Variants in M1AP observed in about 807,000 individuals in gnomAD.
The protein encoded by M1AP is meiosis 1 arrest protein.
A neutral mutation model predicts 51.2 loss-of-function variants in M1AP; 39 were observed. The observed-to-expected ratio is 0.76, with a 90% CI of 0.59 to 1.00. M1AP has a LOEUF of 1.00. M1AP is among the 50% of genes least tolerant of loss of function. The probability of loss-of-function intolerance (pLI) is 0.00; values close to 1 mark genes in which losing one functional copy is unlikely to be tolerated. For synonymous variants in M1AP, 251 were observed against 249.2 expected (o/e 1.01, Z -0.07); for missense variants, 545 against 641.2 (o/e 0.85, Z 1.62).
At chr2:74,583,779 GCT>G (rs1431503565) in intron 4 of M1AP, among the ~76,000 whole-genome samples, 1 of 152,124 alleles carries the variant, frequency 6.6e-6, no homozygotes, top group East Asian at 1.9e-4. Context: ...GAACAAAGGG[GCT>G]TCAGTCCAAC....
intron 2 of M1AP, among the ~76,000 whole-genome samples, chr2:74,635,828 T>C (rs543699627): frequency 2.2e-4 from 34 of 152,260 alleles, no homozygotes; most frequent in Non-Finnish European, 3.8e-4. Context: ...TTGATTTCAT[T>C]GTGTCAGAGA....
At chr2:74,591,376 A>G (rs904611801) in intron 4 of M1AP, among the ~76,000 whole-genome samples, 10 of 152,240 alleles carry the variant, frequency 6.6e-5, no homozygotes, top group Non-Finnish European at 1.3e-4. Flanking sequence ...TTGACGTGAG[A>G]AACATTAGAC....
At chr2:74,604,268 C>A (rs1680839775) in intron 4 of M1AP, among the ~76,000 whole-genome samples, 1 of 152,162 alleles carries the variant, frequency 6.6e-6, no homozygotes, top group Admixed American at 6.5e-5. Flanking sequence ...GTCTCTGGGT[C>A]TCCTTTTTGA....
At chr2:74,611,891 T>TTTTG (rs1553414979) in intron 3 of M1AP, among the ~76,000 whole-genome samples, 2 of 75,140 alleles carry the variant, frequency 2.7e-5, no homozygotes, top group African/African-American at 9.9e-5. Flanking sequence ...TGTTTTTTTT[T>TTTTG]TTTTTTTTTT....
Position 74,558,892 on chromosome 2 carries a change from A to G in M1AP, c.1435-18T>C. The G allele has an allele frequency of 1.3e-6, 2 of 1,570,886 alleles. No homozygotes were observed. The highest frequency in any genetic ancestry group is 1.7e-6 in the Non-Finnish European group (2 of 1,164,484). ...TGCCCAGTCTGCAAAGAGAGCAACC[A>G]GAGCCTTCTCTGAAGATCAGAGTTT... On this transcript the variant is annotated intron_variant, in intron 10 of 10. Coordinates refer to ENST00000421985, the MANE Select transcript of M1AP (RefSeq NM_001321739.2).
chr2:74,645,138 C>T (rs1308957665), intron 1 of M1AP, among the ~76,000 whole-genome samples: 3 of 152,092 alleles, frequency 2.0e-5, no homozygotes, highest in African/African-American at 4.8e-5. Flanking sequence ...ACAAACCCAC[C>T]GGGAGGAATG....
chr2:74,625,693 A>G (rs1271425867), intron 2 of M1AP, among the ~76,000 whole-genome samples: 2 of 152,234 alleles, frequency 1.3e-5, no homozygotes, highest in Non-Finnish European at 2.9e-5. Flanking sequence ...GCTGTGGGGT[A>G]TAGGGACACC....
intron 3 of M1AP, among the ~76,000 whole-genome samples, chr2:74,607,602 T>A (rs1325501778): frequency 6.6e-6 from 1 of 152,172 alleles, no homozygotes; most frequent in East Asian, 1.9e-4. Flanking sequence ...GCCTCCTGGA[T>A]AGCTGGGATT....
intron 2 of M1AP, among the ~76,000 whole-genome samples, chr2:74,630,490 C>T (rs1395201815): frequency 2.0e-5 from 3 of 152,160 alleles, no homozygotes; most frequent in Admixed American, 2.0e-4. Flanking sequence ...CCTCCTCCCG[C>T]CTCCTCAACG....
At chr2:74,590,562 G>T (rs1679981403) in intron 4 of M1AP, among the ~76,000 whole-genome samples, 1 of 152,110 alleles carries the variant, frequency 6.6e-6, no homozygotes, top group South Asian at 2.1e-4. Context: ...AATTGGGTAA[G>T]AAAAAGTTTA....
chr2:74,576,586 G>C lies in M1AP; in HGVS notation c.802C>G (p.Leu268Val). 6.2e-7 allele frequency: 1 copy of C among 1,614,148 alleles called. No individual in the cohort carries two copies. Among genetic ancestry groups the C allele is most frequent in the Non-Finnish European group, 8.5e-7 (1 of 1,179,978 alleles). The change falls in exon 6 of 11, where the codon CTC becomes GTC. Residue 268 changes from leucine to valine, a missense_variant. Coordinates refer to ENST00000421985, the MANE Select transcript of M1AP (RefSeq NM_001321739.2). ...GTGCCAGCGAGTAGGGATGGGCAGA[G>C]CAGTCGCTCTTGGAGATCACATTTC... ...CLKCDLQERLLCPSLLAGTAD... is the reference protein window; with the variant it reads ...CLKCDLQERLVCPSLLAGTAD...
chr2:74,609,307 G>C (rs1222410902), intron 3 of M1AP, among the ~76,000 whole-genome samples: 1 of 152,146 alleles, frequency 6.6e-6, no homozygotes, highest in African/African-American at 2.4e-5. Flanking sequence ...AGATCATGCA[G>C]TACTCGTCCT....
chr2:74,596,805 C>G (rs1309005750), intron 4 of M1AP, among the ~76,000 whole-genome samples: 1 of 152,108 alleles, frequency 6.6e-6, no homozygotes, highest in African/African-American at 2.4e-5. Context: ...AAAGAAAACG[C>G]ACTACTGATA....
At chr2:74,598,621 CTTTTTT>C (rs534856535) in intron 4 of M1AP, among the ~76,000 whole-genome samples, 6 of 114,398 alleles carry the variant, frequency 5.2e-5, no homozygotes, top group Non-Finnish European at 1.0e-4. Context: ...TGTATATCAA[CTTTTTT>C]TTTTTTTTTT....
In M1AP at chr2:74,615,009, GC is replaced by G; in HGVS notation, c.380del (p.Ser127ThrfsTer4). On this transcript the variant is annotated frameshift_variant, in exon 3 of 11. Transcript: ENST00000421985. LOFTEE classifies it high-confidence loss of function. ...GAGCTGCCCTTGTGGTCACATGTCT[GC>G]TGTATTGTTTGAATTGCTGGAGCCC... ...EDGLQQFKQY[S>X]RHVTTRAALT... 2 of 1,614,186 alleles carry G rather than the reference GC, an allele frequency of 1.2e-6. No homozygotes were observed. Among genetic ancestry groups the G allele is most frequent in the Non-Finnish European group, 1.7e-6 (2 of 1,180,028 alleles).
chr2:74,643,744 C>T (rs1408026896), intron 1 of M1AP, among the ~76,000 whole-genome samples: 1 of 152,064 alleles, frequency 6.6e-6, no homozygotes, highest in Non-Finnish European at 1.5e-5. Flanking sequence ...CAGGCATGCA[C>T]CACAATGCCT....
chr2:74,569,611 T>C (rs959804509), intron 7 of M1AP, among the ~76,000 whole-genome samples: 6 of 151,950 alleles, frequency 3.9e-5, no homozygotes, highest in African/African-American at 1.2e-4. Context: ...CTAACCTCAG[T>C]TGATCTGCCC....
chr2:74,619,312 T>C (rs1183560693), intron 2 of M1AP: 2 of 176,148 alleles, frequency 1.1e-5, no homozygotes, highest in Non-Finnish European at 2.4e-5. Flanking sequence ...GTGGAATTTA[T>C]GCATCTTGTC....
At chr2:74,605,533 A>G (rs530835734) in intron 4 of M1AP, among the ~76,000 whole-genome samples, 1 of 152,310 alleles carries the variant, frequency 6.6e-6, no homozygotes, top group South Asian at 2.1e-4. Context: ...GTAGTACAGT[A>G]TTGTTATTTC....
Sources: gnomAD v4.1 joint callset for allele counts (sites outside exome capture counted in the v4.1 genomes callset) on GRCh38, gnomAD v4.1.1 for gene constraint, MANE v1.5 for transcripts, NCBI Gene and HGNC (gene_info 2026-07-23, HGNC 2026-07-21) for gene names.